RAI2: variants seen among roughly 807,000 people sequenced by gnomAD.
RAI2 encodes the protein retinoic acid-induced protein 2.
In RAI2, 5 loss-of-function variants were observed where a neutral mutation model predicts 15.3. The ratio of observed to expected loss-of-function variants is 0.33; its 90% CI spans 0.17 to 0.69. The LOEUF (loss-of-function observed/expected upper bound fraction) is 0.69, where lower values mean the gene tolerates loss of function less well. Ranked by LOEUF, RAI2 falls within the 30% of genes least tolerant of loss-of-function variation. The pLI is 0.69. For synonymous variants in RAI2, 191 were observed against 184.0 expected (o/e 1.04, Z -0.31); for missense variants, 424 against 424.7 (o/e 1.00, Z 0.01).
chrX:17,820,246 G>C (rs944638191), intron 1 of RAI2, among the ~76,000 whole-genome samples: 6 of 112,716 alleles, frequency 5.3e-5, no homozygotes, highest in African/African-American at 1.9e-4. Flanking sequence ...GTGTGGGATA[G>C]ATAGCAGGCT....
Position 17,800,961 on chromosome X carries a change from G to A in RAI2, c.1050C>T (p.His350=), listed in dbSNP as rs778715402. 34 of 1,209,084 alleles carry A rather than the reference G, an allele frequency of 2.8e-5. No homozygotes were observed. Among genetic ancestry groups the A allele is most frequent in the African/African-American group, 1.8e-5 (1 of 56,932 alleles). The change falls in exon 2 of 2, where the codon CAC becomes CAT. Residue 350 remains histidine, a synonymous_variant. Transcript: ENST00000451717. ...TCTCAGGGGGAGGCTCGGATTTCCG[G>A]TGGGCTGCCACTGACAGGTCTAGGG... The part of the protein sequence containing the change: ...DAALDLSVAA[H]RKSEPPPETL...
intron 1 of RAI2, among the ~76,000 whole-genome samples, chrX:17,810,824 CCATT>C (rs2067040645): frequency 8.9e-6 from 1 of 112,918 alleles, no homozygotes. Flanking sequence ...AGATTTGTGG[CCATT>C]CATTTTTATT....
In RAI2 at chrX:17,801,885, G is replaced by A. The variant is rs1336135013; in HGVS notation, c.126C>T (p.Ser42=). 1.7e-6 allele frequency: 2 copies of A among 1,208,684 alleles called. No individual in the cohort carries two copies. Among genetic ancestry groups the A allele is most frequent in the South Asian group, 3.5e-5 (2 of 56,628 alleles). ...LITTEAWNIN[S]TDLVKKALVT... ...CCAGGGCCTTCTTTACCAGGTCAGTGGAGTTGATGTTCCAGGCCTCGGTGG... is the reference window on the plus strand; with the variant it reads ...CCAGGGCCTTCTTTACCAGGTCAGTAGAGTTGATGTTCCAGGCCTCGGTGG... The change falls in exon 2 of 2, where the codon TCC becomes TCT. Residue 42 remains serine (S), a synonymous_variant. Transcript: ENST00000451717.
intron 1 of RAI2, among the ~76,000 whole-genome samples, chrX:17,828,265 A>G (rs1011486802): frequency 9.1e-6 from 1 of 110,172 alleles, no homozygotes; most frequent in African/African-American, 3.3e-5. Context: ...TCACCGAGAA[A>G]TGCCAGCTGC....
intron 1 of RAI2, among the ~76,000 whole-genome samples, chrX:17,831,076 G>A (rs186471482): frequency 9.0e-6 from 1 of 111,527 alleles, no homozygotes; most frequent in Admixed American, 9.5e-5. Flanking sequence ...GGCACCCTCT[G>A]GGCTGAGGAA....
intron 1 of RAI2, among the ~76,000 whole-genome samples, chrX:17,829,527 A>G (rs1436218899): frequency 9.0e-6 from 1 of 111,720 alleles, no homozygotes; most frequent in Admixed American, 9.5e-5. Flanking sequence ...ACCTCTTGAC[A>G]GGGTTTCTAA....
intron 1 of RAI2, among the ~76,000 whole-genome samples, chrX:17,827,469 AG>A (rs1427856247): frequency 8.9e-6 from 1 of 112,357 alleles, no homozygotes; most frequent in African/African-American, 3.2e-5. Flanking sequence ...ACACAGTGCC[AG>A]GTACTCTTCT....
At chrX:17,823,813 C>T (rs2147240815) in intron 1 of RAI2, among the ~76,000 whole-genome samples, 1 of 111,836 alleles carries the variant, frequency 8.9e-6, no homozygotes, top group African/African-American at 3.2e-5. Context: ...TTGTTTAGAG[C>T]TCCCCAGGTG....
At position 17,801,657 on chromosome X, in the gene RAI2, G is replaced by A; in HGVS notation, c.354C>T (p.Gly118=). The change falls in exon 2 of 2, where the codon GGC becomes GGT. Residue 118 remains glycine, a synonymous_variant. Coordinates refer to ENST00000451717, the MANE Select transcript of RAI2 (RefSeq NM_021785.6). ...GNATYVMTTQ[G]PVQLPVVLEQ... ...CCAGCACCACGGGCAGTTGCACGGG[G>A]CCCTGGGTGGTCATGACGTAGGTGG... is the stretch of plus-strand genomic sequence containing the variant. 8.3e-7 allele frequency: 1 copy of A among 1,211,967 alleles called. No homozygotes were observed. The highest frequency in any genetic ancestry group is 1.1e-6 in the Non-Finnish European group (1 of 895,570).
chrX:17,802,291 A>T (rs188469560), intron 1 of RAI2, among the ~76,000 whole-genome samples: 2 of 112,023 alleles, frequency 1.8e-5, no homozygotes, highest in Non-Finnish European at 3.8e-5. Context: ...TAAATAGCCA[A>T]GTGAGGTTAA....
intron 1 of RAI2, among the ~76,000 whole-genome samples, chrX:17,833,205 G>C (rs977908680): frequency 1.8e-5 from 2 of 111,973 alleles, no homozygotes; most frequent in Non-Finnish European, 3.8e-5. Flanking sequence ...AGACACAGAA[G>C]TACATACTGT....
At chrX:17,830,940 A>T (rs2067276205) in intron 1 of RAI2, among the ~76,000 whole-genome samples, 1 of 112,076 alleles carries the variant, frequency 8.9e-6, no homozygotes, top group Non-Finnish European at 1.9e-5. Context: ...AAAGAAATTG[A>T]CCCAATGTAT....
chrX:17,802,031 T>C lies in RAI2; in HGVS notation c.-21A>G, dbSNP rs754853683. ...TCCATCACTCAGCTCTGATGCCACTTGGCCTGCAACACAGAACATACAATA... is the reference window on the plus strand; with the variant it reads ...TCCATCACTCAGCTCTGATGCCACTCGGCCTGCAACACAGAACATACAATA... On this transcript the variant is annotated 5_prime_UTR_variant, in exon 2 of 2. Coordinates refer to ENST00000451717, the MANE Select transcript of RAI2 (RefSeq NM_021785.6). 8.5e-7 allele frequency: 1 copy of C among 1,176,974 alleles called. No homozygotes were observed. The highest frequency in any genetic ancestry group is 1.8e-5 in the African/African-American group (1 of 56,990).
intron 1 of RAI2, among the ~76,000 whole-genome samples, chrX:17,816,031 TTTCA>T (rs1454938134): frequency 3.6e-5 from 4 of 110,120 alleles, no homozygotes; most frequent in Admixed American, 9.7e-5. Flanking sequence ...TCTTTCTTTC[TTTCA>T]TTCTTTTTCT....
chrX:17,832,393 A>C (rs1274025677), intron 1 of RAI2, among the ~76,000 whole-genome samples: 2 of 111,673 alleles, frequency 1.8e-5, no homozygotes, highest in Non-Finnish European at 3.8e-5. Context: ...ACCCTGTCGC[A>C]CCTGTACATA....
chrX:17,860,839 G>C, intron 1 of RAI2: 1 of 105,279 alleles, frequency 9.5e-6, no homozygotes, highest in Non-Finnish European at 2.0e-5. Flanking sequence ...CCGCCGGCCA[G>C]TGCGCGGCGC....
At chrX:17,822,273 G>A (rs1182918779) in intron 1 of RAI2, among the ~76,000 whole-genome samples, 1 of 111,662 alleles carries the variant, frequency 9.0e-6, no homozygotes, top group African/African-American at 3.3e-5. Context: ...TATTAACGTC[G>A]GGGTTTAAAG....
rs764855715 is a variant in RAI2 at position 17,800,662 on chromosome X, A to G, written c.1349T>C (p.Ile450Thr). 32 of 1,209,405 alleles carry G rather than the reference A, an allele frequency of 2.6e-5. No individual in the cohort carries two copies. Reference sequence around the variant, plus strand: ...GAGGCCTTTGATCTTGCCACAGAATATGGTAGGCACAGCATCTTCGACAGA... The same window carrying G: ...GAGGCCTTTGATCTTGCCACAGAATGTGGTAGGCACAGCATCTTCGACAGA... ...IVSVEDAVPT[I>T]FCGKIKGLSG... is the part of the protein sequence containing the mutation. Residue 450 changes from isoleucine to threonine, a missense_variant, in exon 2 of 2, where the codon ATA becomes ACA. Transcript: ENST00000451717.
At chrX:17,828,027 C>T (rs1385970730) in intron 1 of RAI2, among the ~76,000 whole-genome samples, 1 of 110,137 alleles carries the variant, frequency 9.1e-6, no homozygotes, top group Non-Finnish European at 1.9e-5. Flanking sequence ...TTTGGTTGTC[C>T]CTAACTTGTG....
Sources: allele counts gnomAD v4.1 joint callset (sites outside exome capture counted in the v4.1 genomes callset), GRCh38; gene constraint gnomAD v4.1.1; transcripts MANE v1.5; gene names NCBI Gene and HGNC (gene_info 2026-07-23, HGNC 2026-07-21).